PXDN: variants seen among roughly 807,000 people sequenced by gnomAD.
The protein encoded by PXDN is peroxidasin homolog.
PXDN carries 77 observed loss-of-function variants against 140.3 expected under a neutral mutation model. The ratio of observed to expected loss-of-function variants is 0.55; its 90% CI spans 0.46 to 0.66. PXDN has a LOEUF of 0.66. Ranked by LOEUF, PXDN falls within the 30% of genes least tolerant of loss-of-function variation. PXDN has a pLI of 0.00. For synonymous variants in PXDN, 911 were observed against 857.4 expected (o/e 1.06, Z -1.09); for missense variants, 1,838 against 2,039.5 (o/e 0.90, Z 1.90).
chr2:1,684,595 C>T (rs990905127), intron 4 of PXDN, among the ~76,000 whole-genome samples: 1 of 152,192 alleles, frequency 6.6e-6, no homozygotes, highest in Non-Finnish European at 1.5e-5. Context: ...TATACTTTGA[C>T]ACAGAGTATA....
intron 15 of PXDN, chr2:1,654,092 CT>C (rs1433828665): frequency 2.1e-6 from 1 of 480,234 alleles, no homozygotes; most frequent in African/African-American, 1.9e-5. Context: ...ACACTAATGA[CT>C]TTTAAACTAT....
chr2:1,683,771 T>C (rs1171244821), intron 5 of PXDN, 44 bp from the exon 6 acceptor site: 3 of 1,447,726 alleles, frequency 2.1e-6, no homozygotes, highest in Non-Finnish European at 2.8e-6. Context: ...GAAAAATATT[T>C]CTTAAAATGT....
At chr2:1,677,479 A>G (rs778373625) in intron 7 of PXDN, among the ~76,000 whole-genome samples, 1 of 152,220 alleles carries the variant, frequency 6.6e-6, no homozygotes, top group Non-Finnish European at 1.5e-5. Flanking sequence ...CAGGTGGCAG[A>G]CACCACAGCT....
At chr2:1,693,827 T>A (rs1377683229) in intron 1 of PXDN, among the ~76,000 whole-genome samples, 1 of 152,082 alleles carries the variant, frequency 6.6e-6, no homozygotes, top group East Asian at 1.9e-4. Flanking sequence ...CTGAATCTGG[T>A]GCTGGAAAGA....
upstream of PXDN, chr2:1,744,543 G>A (rs1021235251): frequency 1.2e-5 from 14 of 1,132,884 alleles, no homozygotes; most frequent in Non-Finnish European, 1.3e-5. Flanking sequence ...CCACGTCCCA[G>A]CTGTGCGCGG....
intron 1 of PXDN, among the ~76,000 whole-genome samples, chr2:1,697,287 G>T (rs576087251): frequency 6.6e-6 from 1 of 152,270 alleles, no homozygotes; most frequent in Non-Finnish European, 1.5e-5. Context: ...ACACACAGGC[G>T]AACTCATAAA....
chr2:1,634,068 A>G lies in PXDN; in HGVS notation c.*136T>C, dbSNP rs1572108578. On this transcript the variant is annotated 3_prime_UTR_variant, in exon 23 of 23. Coordinates refer to ENST00000252804, the MANE Select transcript of PXDN (RefSeq NM_012293.3). ...GAAGCCTCCTGCACTGCCTTCTGTAACAGCACCAGCTGGACGTTGTCATGA... is the reference window on the plus strand; with the variant it reads ...GAAGCCTCCTGCACTGCCTTCTGTAGCAGCACCAGCTGGACGTTGTCATGA... 1.3e-5 allele frequency: 18 copies of G among 1,365,996 alleles called. No individual in the cohort carries two copies. In the East Asian group the frequency reaches 4.6e-4, roughly 35 times the overall value. The allele number at this position is 1,365,996 out of a possible 1,614,324, so 84.6% of individuals were successfully genotyped here.
At chr2:1,718,098 T>A (rs1684936022) in intron 1 of PXDN, among the ~76,000 whole-genome samples, 3 of 150,626 alleles carry the variant, frequency 2.0e-5, no homozygotes, top group Admixed American at 1.3e-4. Context: ...CACCCAAAGC[T>A]ACTCTACTAA....
At chr2:1,730,620 A>G (rs1256499408) in intron 1 of PXDN, among the ~76,000 whole-genome samples, 3 of 152,134 alleles carry the variant, frequency 2.0e-5, no homozygotes, top group Admixed American at 2.0e-4. Flanking sequence ...TCTGAGTAAA[A>G]CCACTTAAAC....
At chr2:1,741,728 G>GT (rs1475271836) in intron 1 of PXDN, among the ~76,000 whole-genome samples, 4 of 151,464 alleles carry the variant, frequency 2.6e-5, no homozygotes, top group African/African-American at 4.8e-5. Flanking sequence ...TTTGGGGCAG[G>GT]TTTTTTTTTA....
At chr2:1,729,071 G>A (rs1454451018) in intron 1 of PXDN, among the ~76,000 whole-genome samples, 1 of 152,120 alleles carries the variant, frequency 6.6e-6, no homozygotes, top group South Asian at 2.1e-4. Flanking sequence ...ACAGCTGACT[G>A]TGAGGCAGAG....
rs190763647 is a variant in PXDN at position 1,722,893 on chromosome 2, A to G, written c.200+21363T>C. 2.6e-5 allele frequency among the ~76,000 whole-genome samples: 4 copies of G among 152,358 alleles called. No individual in the cohort carries two copies. In the East Asian group the frequency reaches 7.7e-4, roughly 29 times the overall value. On this transcript the variant is annotated intron_variant, in intron 1 of 22. Coordinates refer to ENST00000252804, the MANE Select transcript of PXDN (RefSeq NM_012293.3). ...TGCTGTCACCACTGTGGGACACTTC[A>G]CAGTGATTCCAGTAGTGAGGGATGG...
chr2:1,707,851 C>G lies in PXDN; in HGVS notation c.201-14717G>C, dbSNP rs189726074. Reference sequence around the variant, plus strand: ...ACTGTCTAAAGGGAAGAAGAATCACCATTTAAGAGGAGCCCATTTAGGATC... The same window carrying G: ...ACTGTCTAAAGGGAAGAAGAATCACGATTTAAGAGGAGCCCATTTAGGATC... On this transcript the variant is annotated intron_variant, in intron 1 of 22. Coordinates refer to ENST00000252804, the MANE Select transcript of PXDN (RefSeq NM_012293.3). 1.0e-3 allele frequency among the ~76,000 whole-genome samples: 159 copies of G among 152,090 alleles called. No homozygotes were observed. In the Middle Eastern group the frequency reaches 0.014, roughly 13 times the overall value.
intron 1 of PXDN, among the ~76,000 whole-genome samples, chr2:1,723,675 AATGG>A (rs543877016): frequency 0.011 from 1,706 of 151,928 alleles, 26 homozygotes; most frequent in African/African-American, 0.038. Context: ...TGAATGGATT[AATGG>A]ATGGATGGAT....
intron 8 of PXDN, among the ~76,000 whole-genome samples, chr2:1,674,298 T>C (rs1374276468): frequency 6.6e-6 from 1 of 152,200 alleles, no homozygotes. Context: ...CAGCCTCAGC[T>C]TCCTGGGCTT....
chr2:1,659,550 C>T (rs144290842), intron 14 of PXDN, among the ~76,000 whole-genome samples: 3 of 152,058 alleles, frequency 2.0e-5, no homozygotes, highest in Non-Finnish European at 2.9e-5. Flanking sequence ...GAAAAGGAAT[C>T]CAACCATAAT....
chr2:1,742,926 T>C (rs527530131), intron 1 of PXDN, among the ~76,000 whole-genome samples: 18 of 152,368 alleles, frequency 1.2e-4, no homozygotes, highest in African/African-American at 4.1e-4. Flanking sequence ...GGCCGCCCAC[T>C]TCCTGAATTG....
At chr2:1,663,544 CTG>C (rs1683355358) in intron 12 of PXDN, 59 bp downstream of exon 12, 2 of 1,584,384 alleles carry the variant, frequency 1.3e-6, no homozygotes, top group African/African-American at 1.3e-5. Flanking sequence ...CTGCGGAATT[CTG>C]TGTTTCCTGA....
Position 1,684,077 on chromosome 2 carries a change from C to T in PXDN, c.488+3G>A. 2 of 1,574,316 alleles carry T rather than the reference C, an allele frequency of 1.3e-6. No homozygotes were observed. Among genetic ancestry groups the T allele is most frequent in the Non-Finnish European group, 1.7e-6 (2 of 1,158,932 alleles). On this transcript the variant is annotated splice_donor_region_variant and intron_variant, in intron 5 of 22. Coordinates refer to ENST00000252804, the MANE Select transcript of PXDN (RefSeq NM_012293.3). ...GAAAGGCAAGGAACAACACACAACT[C>T]ACAGCCTCTCGAGCTTCGGGAGATG... is the stretch of plus-strand genomic sequence containing the variant.
Sources: gnomAD v4.1 joint callset for allele counts (sites outside exome capture counted in the v4.1 genomes callset) on GRCh38, gnomAD v4.1.1 for gene constraint, MANE v1.5 for transcripts, NCBI Gene and HGNC (gene_info 2026-07-23, HGNC 2026-07-21) for gene names.